The following LRP1B variants were observed in gnomAD, a reference collection of about 807,000 sequenced individuals.
LRP1B encodes LDL receptor related protein 1B.
Under a neutral mutation model 556.6 loss-of-function variants are expected in LRP1B, and 217 were observed. The observed-to-expected ratio is 0.39, with a 90% CI of 0.35 to 0.44. The LOEUF (loss-of-function observed/expected upper bound fraction) is 0.44, where lower values mean the gene tolerates loss of function less well. LRP1B is among the 20% of genes least tolerant of loss of function. The pLI, the probability that LRP1B is intolerant of heterozygous loss-of-function variation, is 1.00. For synonymous variants in LRP1B, 2,047 were observed against 1,865.8 expected, an observed-to-expected ratio of 1.10 and a Z score of -2.50; for missense variants, 5,053 against 5,620.8, an observed-to-expected ratio of 0.90 and a Z score of 3.23.
intron 3 of LRP1B, among the ~76,000 whole-genome samples, chr2:141,331,990 C>A (rs1687673576): frequency 6.6e-6 from 1 of 152,052 alleles, no homozygotes; most frequent in South Asian, 2.1e-4. Context: ...AGAGGTCATC[C>A]TACTCTGTGA....
intron 3 of LRP1B, among the ~76,000 whole-genome samples, chr2:141,305,325 G>GTTTTA (rs1193732707): frequency 6.6e-6 from 1 of 151,994 alleles, no homozygotes; most frequent in African/African-American, 2.4e-5. Flanking sequence ...ATTCCTAGGT[G>GTTTTA]TTTTATTTTA....
At chr2:141,068,607 C>T (rs914995274) in intron 7 of LRP1B, among the ~76,000 whole-genome samples, 18 of 150,584 alleles carry the variant, frequency 1.2e-4, no homozygotes, top group African/African-American at 4.2e-4. Context: ...TTTGAACATG[C>T]CTAGTGCCAG....
At chr2:140,912,413 T>C (rs890636944) in intron 21 of LRP1B, among the ~76,000 whole-genome samples, 4 of 151,664 alleles carry the variant, frequency 2.6e-5, no homozygotes, top group Admixed American at 6.6e-5. Context: ...TAGTTATTAA[T>C]AATAGTAAAA....
intron 1 of LRP1B, among the ~76,000 whole-genome samples, chr2:142,124,099 G>C (rs935743763): frequency 6.6e-6 from 1 of 151,846 alleles, no homozygotes; most frequent in Non-Finnish European, 1.5e-5. Context: ...AGGTAAACAT[G>C]TGTAACAAGG....
intron 3 of LRP1B, among the ~76,000 whole-genome samples, chr2:141,318,692 G>A (rs1050941248): frequency 6.6e-5 from 10 of 152,092 alleles, no homozygotes; most frequent in African/African-American, 2.4e-4. Flanking sequence ...AGTTTAAGTA[G>A]ACAAGAGCTC....
chr2:140,622,669 G>A (rs1285130658), intron 41 of LRP1B, among the ~76,000 whole-genome samples: 1 of 152,038 alleles, frequency 6.6e-6, no homozygotes, highest in Non-Finnish European at 1.5e-5. Context: ...TTGGCCATAA[G>A]GCAGGAAATC....
At chr2:140,734,743 GTGA>G (rs200820300) in intron 35 of LRP1B, among the ~76,000 whole-genome samples, 24,265 of 152,068 alleles carry the variant, frequency 0.16, 2,021 homozygotes, top group South Asian at 0.19. Flanking sequence ...TAATGACTGT[GTGA>G]AGCAGATACT....
intron 3 of LRP1B, among the ~76,000 whole-genome samples, chr2:141,397,841 T>C (rs1690299324): frequency 6.6e-6 from 1 of 150,970 alleles, no homozygotes; most frequent in Non-Finnish European, 1.5e-5. Flanking sequence ...TACATATGCC[T>C]ATACATTTTA....
intron 43 of LRP1B, among the ~76,000 whole-genome samples, chr2:140,595,087 A>AATATATCTATCTATATAT (rs1204829412): frequency 1.0e-5 from 1 of 99,676 alleles, no homozygotes; most frequent in African/African-American, 3.4e-5. Flanking sequence ...ATATAAATTG[A>AATATATCTATCTATATAT]ATATATATAT....
At chr2:141,228,653 GAGA>G (rs1287728803) in intron 6 of LRP1B, among the ~76,000 whole-genome samples, 2 of 151,904 alleles carry the variant, frequency 1.3e-5, no homozygotes, top group Non-Finnish European at 2.9e-5. Flanking sequence ...TATGCAGGAA[GAGA>G]AGGACAGTCT....
intron 32 of LRP1B, among the ~76,000 whole-genome samples, chr2:140,778,098 T>G (rs1305765550): frequency 5.3e-5 from 8 of 152,178 alleles, no homozygotes; most frequent in African/African-American, 1.9e-4. Flanking sequence ...AGCTAGGACA[T>G]GACATTTTAA....
intron 3 of LRP1B, among the ~76,000 whole-genome samples, chr2:141,311,187 T>C (rs932618825): frequency 3.3e-5 from 5 of 152,200 alleles, no homozygotes; most frequent in African/African-American, 4.8e-5. Context: ...TTGTCTCTAA[T>C]AGAGAACTCT....
At chr2:142,098,389 T>C (rs1380013694) in intron 1 of LRP1B, among the ~76,000 whole-genome samples, 6 of 151,790 alleles carry the variant, frequency 4.0e-5, no homozygotes, top group Non-Finnish European at 8.8e-5. Flanking sequence ...TAAAAATATA[T>C]ATTTGAATTG....
intron 1 of LRP1B, among the ~76,000 whole-genome samples, chr2:142,115,511 ATATTACATATATAAT>A (rs1361676922): frequency 3.2e-5 from 3 of 92,734 alleles, no homozygotes; most frequent in African/African-American, 4.1e-5. Flanking sequence ...TATATATTAT[ATATTACATATATAAT>A]ATATATATTA....
At chr2:142,111,950 G>C (rs964481473) in intron 1 of LRP1B, among the ~76,000 whole-genome samples, 5 of 152,060 alleles carry the variant, frequency 3.3e-5, no homozygotes, top group African/African-American at 1.2e-4. Context: ...TAATTGATCA[G>C]AGGTCACAGT....
intron 2 of LRP1B, among the ~76,000 whole-genome samples, chr2:141,664,334 C>T (rs72980183): frequency 0.12 from 17,823 of 152,182 alleles, 1,680 homozygotes; most frequent in African/African-American, 0.25. Flanking sequence ...TCTTATTCAA[C>T]ATAGTATTAG....
intron 1 of LRP1B, among the ~76,000 whole-genome samples, chr2:142,075,067 T>C (rs1326188389): frequency 2.0e-5 from 3 of 152,170 alleles, no homozygotes; most frequent in Non-Finnish European, 2.9e-5. Context: ...TCTTTCAATC[T>C]TCATTAACAG....
intron 31 of LRP1B, among the ~76,000 whole-genome samples, chr2:140,819,087 G>A (rs1409088516): frequency 6.6e-6 from 1 of 152,102 alleles, no homozygotes; most frequent in African/African-American, 2.4e-5. Flanking sequence ...TGGCAGCCTT[G>A]CCCTTGCTGC....
intron 27 of LRP1B, among the ~76,000 whole-genome samples, chr2:140,859,994 CA>C (rs1290360474): frequency 5.9e-5 from 9 of 151,658 alleles, no homozygotes; most frequent in Admixed American, 3.3e-4. Context: ...GACTCCATCT[CA>C]AAAAATAAAT....
Sources: allele counts gnomAD v4.1 joint callset (sites outside exome capture counted in the v4.1 genomes callset), GRCh38; gene constraint gnomAD v4.1.1; transcripts MANE v1.5; gene names NCBI Gene and HGNC (gene_info 2026-07-23, HGNC 2026-07-21).